The following MPDZ variants were observed in gnomAD, a reference collection of about 807,000 sequenced individuals.
MPDZ encodes multiple PDZ domain crumbs cell polarity complex component, also known as multiple PDZ domain protein.
A neutral mutation model predicts 239.1 loss-of-function variants in MPDZ; 234 were observed. The ratio of observed to expected loss-of-function variants is 0.98; its 90% CI spans 0.88 to 1.09. The LOEUF (loss-of-function observed/expected upper bound fraction) is 1.09. Among genes scored for constraint, MPDZ ranks in the 50% least tolerant of loss-of-function variants. The pLI is 0.00. For missense variants in MPDZ, 3,175 were observed against 2,510.0 expected (o/e 1.26, Z -5.66); for synonymous variants, 1,048 against 881.3 (o/e 1.19, Z -3.35).
rs983253984 is a variant in MPDZ at position 13,252,566 on chromosome 9, C to A, written c.-57-2194G>T. 4.3e-4 allele frequency among the ~76,000 whole-genome samples: 27 copies of A among 63,098 alleles called. 1 individual carries two copies. Among genetic ancestry groups the A allele is most frequent in the African/African-American group, 1.4e-3 (27 of 19,412 alleles). The allele number at this position is 63,098 out of a possible 152,430, so 41.4% of individuals were successfully genotyped here. On this transcript the variant is annotated intron_variant, in intron 1 of 46. Transcript: ENST00000319217. ...GGCAACAGAGTGAGACTCTGTCCCC[C>A]GCAAAAAAAAAAAAAAAAATCGGGC...
chr9:13,141,176 C>T (rs1947617224), intron 27 of MPDZ, among the ~76,000 whole-genome samples: 1 of 151,740 alleles, frequency 6.6e-6, no homozygotes, highest in South Asian at 2.1e-4. Context: ...ATTAAAACTC[C>T]AATTACTTTT....
chr9:13,140,146 G>A lies in MPDZ; in HGVS notation c.3844C>T (p.Pro1282Ser), dbSNP rs776309721. 1 of 1,612,796 alleles carries A rather than the reference G, an allele frequency of 6.2e-7. No homozygotes were observed. The highest frequency in any genetic ancestry group is 8.5e-7 in the Non-Finnish European group (1 of 1,179,242). The change falls in exon 28 of 47, where the codon CCC becomes TCC. Residue 1282 changes from proline to serine, a missense_variant. Pro to Ser is a moderately conservative substitution (Grantham distance 74). Transcript: ENST00000319217. ...TCTGGCTCTGACTCTGACTGACTGG[G>A]TGCCTGTGGGAACAAAAAGAATGCA... ...DSLQINADKA[P>S]SQSESEPEKA...
intron 22 of MPDZ, among the ~76,000 whole-genome samples, chr9:13,166,884 C>A (rs1951154502): frequency 6.6e-6 from 1 of 152,044 alleles, no homozygotes. Context: ...ATGACTTATG[C>A]CAAACTGGTG....
chr9:13,138,505 T>A (rs1481066742), intron 28 of MPDZ, among the ~76,000 whole-genome samples: 3 of 152,198 alleles, frequency 2.0e-5, no homozygotes, highest in Non-Finnish European at 1.5e-5. Context: ...AACTAAGGCA[T>A]CCAGAATATC....
intron 3 of MPDZ, among the ~76,000 whole-genome samples, chr9:13,230,961 A>G (rs1403215015): frequency 6.6e-6 from 1 of 152,150 alleles, no homozygotes; most frequent in Non-Finnish European, 1.5e-5. Flanking sequence ...AAAAAGCTAA[A>G]ATAAAACAGA....
chr9:13,147,490 T>C (rs1443824575), intron 26 of MPDZ, 58 bp downstream of exon 26: 5 of 1,313,366 alleles, frequency 3.8e-6, no homozygotes, highest in Non-Finnish European at 3.3e-6. Flanking sequence ...CTTGATACAT[T>C]AGATTCCAAG....
chr9:13,133,213 T>C (rs1419531947), intron 32 of MPDZ, among the ~76,000 whole-genome samples: 1 of 152,102 alleles, frequency 6.6e-6, no homozygotes, highest in Non-Finnish European at 1.5e-5. Flanking sequence ...AAGAGGAAGA[T>C]GTCATCTCTC....
At chr9:13,190,024 A>G (rs1954678149) in intron 16 of MPDZ, 90 bp downstream of exon 16, 11 of 1,169,616 alleles carry the variant, frequency 9.4e-6, no homozygotes, top group Non-Finnish European at 1.3e-5. Flanking sequence ...AAAAGAAAAC[A>G]TCTTTGATGG....
rs2136127033 is a variant in MPDZ at position 13,216,860 on chromosome 9, G to A, written c.1204C>T (p.Pro402Ser). The A allele has an allele frequency of 1.6e-5, 25 of 1,606,352 alleles. No homozygotes were observed. Among genetic ancestry groups the A allele is most frequent in the African/African-American group, 2.7e-5 (2 of 74,804 alleles). ...ATGCTCTTTACAAAGATTCCTGAAG[G>A]TTCTAAGATTAGAAATAGTTTATTT... ...AGYIGDKKLE[P>S]SGIFVKSITK... is the part of the protein sequence containing the mutation. Residue 402 changes from proline to serine, a missense_variant and splice_region_variant, in exon 10 of 47, where the codon CCT becomes TCT. By Grantham distance (74) the Pro-to-Ser change is moderately conservative (BLOSUM62 -1). Transcript: ENST00000319217.
At chr9:13,267,759 A>G (rs1391218020) in intron 1 of MPDZ, among the ~76,000 whole-genome samples, 1 of 152,220 alleles carries the variant, frequency 6.6e-6, no homozygotes, top group African/African-American at 2.4e-5. Flanking sequence ...AGGGATGGAA[A>G]GATGGAATGG....
intron 1 of MPDZ, among the ~76,000 whole-genome samples, chr9:13,271,835 C>T (rs573626145): frequency 6.6e-6 from 1 of 152,268 alleles, no homozygotes; most frequent in South Asian, 2.1e-4. Context: ...ACTATGAATA[C>T]AGGCAACATG....
intron 22 of MPDZ, among the ~76,000 whole-genome samples, chr9:13,166,468 T>C (rs1454583570): frequency 6.6e-6 from 1 of 152,126 alleles, no homozygotes; most frequent in Non-Finnish European, 1.5e-5. Context: ...TGAGTTAAGC[T>C]ATAAGCATTT....
rs1336910739 is a variant in MPDZ at position 13,140,065 on chromosome 9, C to T, written c.3925G>A (p.Gly1309Ser). ...PPPPSAFAEM[G>S]SDHTQSSASK... ...GCAGATGACTGTGTGTGATCACTAC[C>T]CATTTCGGCAAAGGCTGAAGGAGGG... The change falls in exon 28 of 47, where the codon GGT (glycine) becomes AGT (serine). Residue 1309 changes from glycine (G) to serine (S), a missense_variant. Physicochemically the swap from Gly to Ser is moderately conservative, Grantham distance 56 (BLOSUM62 0). Transcript: ENST00000319217. 3.1e-6 allele frequency: 5 copies of T among 1,613,388 alleles called. No homozygotes were observed. In the Admixed American group the frequency reaches 5.0e-5, roughly 16 times the overall value.
intron 24 of MPDZ, among the ~76,000 whole-genome samples, chr9:13,152,293 G>C (rs756875601): frequency 6.6e-6 from 1 of 152,114 alleles, no homozygotes; most frequent in East Asian, 1.9e-4. Context: ...CTCCCCTGCT[G>C]ATATGGTTTG....
Position 13,175,751 on chromosome 9 carries a change from C to T in MPDZ, c.3055+1G>A. 3.2e-6 allele frequency: 5 copies of T among 1,568,124 alleles called. No homozygotes were observed. The highest frequency in any genetic ancestry group is 4.3e-6 in the Non-Finnish European group (5 of 1,154,496). ...GTATATGAGGAAAATGAGAAACTTA[C>T]CTAGGCTAGAATTGCCTTTTGCTAT... On this transcript the variant is annotated splice_donor_variant, in intron 21 of 46. Transcript: ENST00000319217. LOFTEE classifies it high-confidence loss of function.
intron 43 of MPDZ, among the ~76,000 whole-genome samples, chr9:13,111,678 G>T (rs1474766925): frequency 1.3e-5 from 2 of 152,072 alleles, no homozygotes; most frequent in Admixed American, 1.3e-4. Flanking sequence ...AGTTAAATCG[G>T]CGTTTAAACC....
At position 13,123,179 on chromosome 9, in the gene MPDZ, T is replaced by A. The variant is rs1195748380; in HGVS notation, c.4927A>T (p.Ile1643Phe). Residue 1643 changes from isoleucine to phenylalanine, a missense_variant, in exon 36 of 47, where the codon ATC (isoleucine) becomes TTC (phenylalanine). Ile to Phe is a conservative substitution (Grantham distance 21). Transcript: ENST00000319217. The stretch of plus-strand genomic sequence containing the variant: ...AGCAGCGTGTCTGAACCCCCAACGA[T>A]GCTCAGGCCCAGCCCTGTTCGCCCT... ...SKGRTGLGLS[I>F]VGGSDTLLGA... 6.2e-7 allele frequency: 1 copy of A among 1,612,642 alleles called. No homozygotes were observed. Among genetic ancestry groups the A allele is most frequent in the African/African-American group, 1.3e-5 (1 of 74,880 alleles).
At chr9:13,250,895 A>C (rs1967786904) in intron 1 of MPDZ, among the ~76,000 whole-genome samples, 1 of 152,014 alleles carries the variant, frequency 6.6e-6, no homozygotes, top group Non-Finnish European at 1.5e-5. Flanking sequence ...TCGGGAAGCC[A>C]AGGTGAGTGC....
intron 22 of MPDZ, among the ~76,000 whole-genome samples, chr9:13,166,913 T>C (rs1951156066): frequency 6.6e-6 from 1 of 152,144 alleles, no homozygotes; most frequent in Admixed American, 6.6e-5. Context: ...GTCTTATTTT[T>C]TAACGACTTT....
Sources: gnomAD v4.1 joint callset for allele counts (sites outside exome capture counted in the v4.1 genomes callset) on GRCh38, gnomAD v4.1.1 for gene constraint, MANE v1.5 for transcripts, NCBI Gene and HGNC (gene_info 2026-07-23, HGNC 2026-07-21) for gene names.